Variants in ZNF862 observed in about 807,000 individuals in gnomAD.
The protein encoded by ZNF862 is zinc finger protein 862.
Under a neutral mutation model 91.1 loss-of-function variants are expected in ZNF862, and 64 were observed. The ratio of observed to expected loss-of-function variants is 0.70; its 90% CI spans 0.57 to 0.87. The LOEUF (loss-of-function observed/expected upper bound fraction) is 0.87, where lower values mean the gene tolerates loss of function less well. Ranked by LOEUF, ZNF862 falls within the 40% of genes least tolerant of loss-of-function variation. The pLI is 0.00. For missense variants in ZNF862, 1,459 were observed against 1,528.0 expected, an observed-to-expected ratio of 0.95 and a Z score of 0.75; for synonymous variants, 631 against 618.1, an observed-to-expected ratio of 1.02 and a Z score of -0.31.
At chr7:149,844,798 TG>T in intron 2 of ZNF862, 62 bp downstream of exon 2, 1 of 1,134,632 alleles carries the variant, frequency 8.8e-7, no homozygotes, top group Non-Finnish European at 1.3e-6. Flanking sequence ...CAACCTCATC[TG>T]CGTCAGGAAC....
Position 149,860,741 on chromosome 7 carries a change from CTG to C in ZNF862, c.1585_1586del (p.Val529GlnfsTer4), listed in dbSNP as rs1168560758. The C allele has an allele frequency of 1.2e-6, 2 of 1,613,840 alleles. No homozygotes were observed. The highest frequency in any genetic ancestry group is 1.7e-5 in the Admixed American group (1 of 60,012). On this transcript the variant is annotated frameshift_variant, in exon 7 of 8. Coordinates refer to ENST00000223210, the MANE Select transcript of ZNF862 (RefSeq NM_001099220.3). LOFTEE classifies it high-confidence loss of function. ...ATGAAGTCAGCAAAGCGCACAGGCT[CTG>C]TGTCAACACGGTTGAAATCAAGGAA... ...YHEVSKAHRLCVNTVEIKEDT... is the reference protein window; with the variant it reads ...YHEVSKAHRLXVNTVEIKEDT...
chr7:149,842,515 C>A (rs112525383), intron 1 of ZNF862, among the ~76,000 whole-genome samples: 199 of 152,310 alleles, frequency 1.3e-3, no homozygotes, highest in Non-Finnish European at 2.5e-3. Context: ...AAGGCTCTTG[C>A]TATAATATTG....
chr7:149,848,439 C>G lies in ZNF862; in HGVS notation c.939+7C>G. The stretch of plus-strand genomic sequence containing the variant: ...AGTAGAATCCTGCATTCAGGTAATA[C>G]GTTTATAATGATTGCTGTATCTTAC... On this transcript the variant is annotated splice_region_variant and intron_variant, in intron 4 of 7. Transcript: ENST00000223210. The G allele has an allele frequency of 3.3e-6, 5 of 1,498,410 alleles. No homozygotes were observed. Among genetic ancestry groups the G allele is most frequent in the Middle Eastern group, 1.8e-4 (1 of 5,664 alleles). The allele number at this position is 1,498,410 out of a possible 1,614,324, so 92.8% of individuals were successfully genotyped here.
chr7:149,859,433 G>A lies in ZNF862; in HGVS notation c.1129G>A (p.Ala377Thr). 1.3e-6 allele frequency: 2 copies of A among 1,579,414 alleles called. No homozygotes were observed. The highest frequency in any genetic ancestry group is 8.6e-7 in the Non-Finnish European group (1 of 1,161,944). ...ELLASLGPAA[A>T]KPDLISKLER... is the part of the protein sequence containing the mutation. ...CATCCTTACAACAGGACCTGCCGCT[G>A]CCAAGCCAGACTTGATCTCCAAACT... Residue 377 changes from alanine (A) to threonine (T), a missense_variant, in exon 6 of 8, where the codon GCC becomes ACC. Ala to Thr is a moderately conservative substitution (Grantham distance 58). Transcript: ENST00000223210.
intron 6 of ZNF862, 191 bp from the exon 7 acceptor site, chr7:149,860,192 A>G: frequency 1.7e-6 from 1 of 602,474 alleles, no homozygotes; most frequent in African/African-American, 1.9e-5. Flanking sequence ...ACTCTGGGGG[A>G]GCCAGATGAA....
At chr7:149,846,432 T>C (rs1393963558) in intron 3 of ZNF862, among the ~76,000 whole-genome samples, 177 bp downstream of exon 3, 1 of 152,238 alleles carries the variant, frequency 6.6e-6, no homozygotes, top group African/African-American at 2.4e-5. Context: ...AATGTCCTTC[T>C]CCAACCTCTC....
Position 149,850,052 on chromosome 7 carries a change from C to A in ZNF862, c.940-109C>A. On this transcript the variant is annotated intron_variant, in intron 4 of 7. Coordinates refer to ENST00000223210, the MANE Select transcript of ZNF862 (RefSeq NM_001099220.3). The surrounding 1 kb of genome is among the most constrained non-coding windows in gnomAD (Gnocchi z 4.2). The stretch of plus-strand genomic sequence containing the variant: ...ATTAATTCCTCTGAGTGCATCTGGG[C>A]CTCTTGGTGAGCTTCCCAGGAGAAA... 8.8e-7 allele frequency: 1 copy of A among 1,136,456 alleles called. No homozygotes were observed. The highest frequency in any genetic ancestry group is 1.3e-6 in the Non-Finnish European group (1 of 781,852). The allele number at this position is 1,136,456 out of a possible 1,614,324, so 70.4% of individuals were successfully genotyped here. A position where few individuals can be genotyped will look rare whatever the true frequency, so the allele number is the denominator to read the frequency against.
chr7:149,860,490 TC>T lies in ZNF862; in HGVS notation c.1332del (p.Ser445AlafsTer32). ...PVEARASCCSSSICEEGDGPR... is the reference protein window; with the variant it reads ...PVEARASCCSXSICEEGDGPR... Reference sequence around the variant, plus strand: ...GGAGGCCCGTGCCTCCTGCTGCAGTTCCAGCATTTGTGAGGAAGGAGATGGA... The same window carrying T: ...GGAGGCCCGTGCCTCCTGCTGCAGTTCAGCATTTGTGAGGAAGGAGATGGA... On this transcript the variant is annotated frameshift_variant, in exon 7 of 8. Coordinates refer to ENST00000223210, the MANE Select transcript of ZNF862 (RefSeq NM_001099220.3). LOFTEE classifies it high-confidence loss of function. 6.2e-7 allele frequency: 1 copy of T among 1,613,954 alleles called. No individual in the cohort carries two copies.
At chr7:149,842,056 G>T (rs1801727562) in intron 1 of ZNF862, among the ~76,000 whole-genome samples, 2 of 152,188 alleles carry the variant, frequency 1.3e-5, no homozygotes, top group Non-Finnish European at 2.9e-5. Flanking sequence ...CTCCAGGGGG[G>T]ATATAAAGCC....
At chr7:149,841,763 C>A in intron 1 of ZNF862, 5 of 985,138 alleles carry the variant, frequency 5.1e-6, no homozygotes, top group Non-Finnish European at 6.0e-6. Context: ...TCTATCTTTC[C>A]TGTACAAGTG....
At position 149,861,994 on chromosome 7, in the gene ZNF862, A is replaced by G; in HGVS notation, c.2834A>G (p.Lys945Arg). ...RFDADRPPQL[K>R]NMEVFDTMAW... The stretch of plus-strand genomic sequence containing the variant: ...GACGCAGACCGACCCCCACAGCTGA[A>G]GAACATGGAGGTGTTTGACACCATG... The change falls in exon 7 of 8, where the codon AAG becomes AGG. Residue 945 changes from lysine to arginine, a missense_variant. Physicochemically the swap from Lys to Arg is conservative, Grantham distance 26. Coordinates refer to ENST00000223210, the MANE Select transcript of ZNF862 (RefSeq NM_001099220.3). The surrounding 1 kb of genome is among the most constrained non-coding windows in gnomAD (Gnocchi z 6.7). The G allele has an allele frequency of 6.2e-7, 1 of 1,613,910 alleles. No homozygotes were observed. The highest frequency in any genetic ancestry group is 8.5e-7 in the Non-Finnish European group (1 of 1,179,890).
In ZNF862 at chr7:149,859,458, T is replaced by G; in HGVS notation, c.1154T>G (p.Leu385Arg). ...AAAKPDLISK[L>R]ERRAAPWIKD... is the part of the protein sequence containing the mutation. The stretch of plus-strand genomic sequence containing the variant: ...GCCAAGCCAGACTTGATCTCCAAAC[T>G]GGAGCGGAGGGCTGCACCCTGGATC... Residue 385 changes from leucine (L) to arginine (R), a missense_variant, in exon 6 of 8, where the codon CTG (leucine) becomes CGG (arginine). Coordinates refer to ENST00000223210, the MANE Select transcript of ZNF862 (RefSeq NM_001099220.3). 1 of 1,588,400 alleles carries G rather than the reference T, an allele frequency of 6.3e-7. No individual in the cohort carries two copies. Among genetic ancestry groups the G allele is most frequent in the Non-Finnish European group, 8.6e-7 (1 of 1,166,698 alleles).
chr7:149,846,028 G>T, intron 2 of ZNF862, 123 bp from the exon 3 acceptor site: 1 of 679,874 alleles, frequency 1.5e-6, no homozygotes, highest in Non-Finnish European at 2.6e-6. Context: ...TTCCTCCTTG[G>T]CCCCTTATCT....
chr7:149,861,899 G>C lies in ZNF862; in HGVS notation c.2739G>C (p.Ala913=), dbSNP rs769654809. 9 of 1,613,662 alleles carry C rather than the reference G, an allele frequency of 5.6e-6. No homozygotes were observed. The South Asian group carries it at 9.9e-5, about 18-fold the overall frequency. Residue 913 remains alanine (A), a synonymous_variant, in exon 7 of 8, where the codon GCG becomes GCC. Transcript: ENST00000223210. The surrounding 1 kb of genome is among the most constrained non-coding windows in gnomAD (Gnocchi z 6.7). ...HGICLDKLEV[A]EQRFQADRER... ...TCTGCTTGGACAAACTGGAGGTAGC[G>C]GAACAGCGGTTCCAGGCGGATAGGG... is the stretch of plus-strand genomic sequence containing the variant.
chr7:149,861,510 C>T lies in ZNF862; in HGVS notation c.2350C>T (p.Leu784=), dbSNP rs763966085. Residue 784 remains leucine, a synonymous_variant, in exon 7 of 8, where the codon CTG becomes TTG. Transcript: ENST00000223210. The surrounding 1 kb of genome is among the most constrained non-coding windows in gnomAD (Gnocchi z 6.7). ...GCAGGAGATCATCCGCCTGAAGGATCTGAATGCGGTCCGCTGGGTGGCCAG... is the reference window on the plus strand; with the variant it reads ...GCAGGAGATCATCCGCCTGAAGGATTTGAATGCGGTCCGCTGGGTGGCCAG... ...LEQEIIRLKD[L]NAVRWVASRR... The T allele has an allele frequency of 6.2e-7, 1 of 1,610,496 alleles. No homozygotes were observed. Among genetic ancestry groups the T allele is most frequent in the Non-Finnish European group, 8.5e-7 (1 of 1,178,808 alleles).
chr7:149,852,111 T>C (rs1802084290), intron 5 of ZNF862: 1 of 152,186 alleles, frequency 6.6e-6, no homozygotes, highest in African/African-American at 2.4e-5. Context: ...GCATAAGCTA[T>C]TTGTATGTTT....
intron 1 of ZNF862, among the ~76,000 whole-genome samples, chr7:149,840,187 T>TAAAAAAAAAAAAAAAAAAAAAAAA (rs60721842): frequency 9.7e-5 from 4 of 41,246 alleles, no homozygotes; most frequent in African/African-American, 1.5e-4. Flanking sequence ...GCTTAAAAAG[T>TAAAAAAAAAAAAAAAAAAAAAAAA]AAAAAAAAAA....
At chr7:149,859,873 G>A (rs564124872) in intron 6 of ZNF862, 87 of 301,156 alleles carry the variant, frequency 2.9e-4, no homozygotes, top group Non-Finnish European at 4.5e-4. Flanking sequence ...TCCAGTGCTC[G>A]GTGACAGCAC....
chr7:149,856,260 A>G (rs935999152), intron 5 of ZNF862: 1 of 152,092 alleles, frequency 6.6e-6, no homozygotes, highest in African/African-American at 2.4e-5. Context: ...TGATTTATTG[A>G]TTTTAGATAT....
Sources: allele counts gnomAD v4.1 joint callset (sites outside exome capture counted in the v4.1 genomes callset), GRCh38; gene constraint gnomAD v4.1.1; non-coding constraint Gnocchi (gnomAD v3.1); transcripts MANE v1.5; gene names NCBI Gene and HGNC (gene_info 2026-07-23, HGNC 2026-07-21).